The following ADGRL2 variants were observed in gnomAD, a reference collection of about 807,000 sequenced individuals.
ADGRL2 encodes the protein adhesion G protein-coupled receptor L2, also known as calcium-independent alpha-latrotoxin receptor 2.
Under a neutral mutation model 157.4 loss-of-function variants are expected in ADGRL2, and 44 were observed. The ratio of observed to expected loss-of-function variants is 0.28; its 90% confidence interval spans 0.22 to 0.36. The LOEUF (loss-of-function observed/expected upper bound fraction) is 0.36, where lower values mean the gene tolerates loss of function less well. Among genes scored for constraint, ADGRL2 ranks in the 10% least tolerant of loss-of-function variants. The probability of loss-of-function intolerance (pLI) is 1.00; values close to 1 mark genes in which losing one functional copy is unlikely to be tolerated. For synonymous variants in ADGRL2, 585 were observed against 624.7 expected (o/e 0.94, Z 0.95); for missense variants, 1,510 against 1,768.9 (o/e 0.85, Z 2.63).
At chr1:81,845,675 C>T (rs1386940269) in intron 2 of ADGRL2, among the ~76,000 whole-genome samples, 1 of 142,154 alleles carries the variant, frequency 7.0e-6, no homozygotes, top group Non-Finnish European at 1.6e-5. Flanking sequence ...ATTGCTAATA[C>T]TTTTCTTATT....
chr1:81,847,087 G>A (rs1282343660), intron 2 of ADGRL2, among the ~76,000 whole-genome samples: 2 of 151,578 alleles, frequency 1.3e-5, no homozygotes, highest in East Asian at 3.9e-4. Context: ...GGAACCCATT[G>A]CACTGGTAGG....
intron 3 of ADGRL2, chr1:81,625,594 T>C (rs1406057183): frequency 6.6e-6 from 1 of 152,164 alleles, no homozygotes; most frequent in Non-Finnish European, 1.5e-5. Flanking sequence ...GCCAAATTCA[T>C]GTCGTGAGAG....
chr1:81,747,412 T>C (rs1386403852), intron 1 of ADGRL2, among the ~76,000 whole-genome samples: 2 of 151,774 alleles, frequency 1.3e-5, no homozygotes, highest in Non-Finnish European at 2.9e-5. Context: ...GGGATTCTCC[T>C]GTCTCAGCCT....
intron 1 of ADGRL2, among the ~76,000 whole-genome samples, chr1:81,381,454 T>C (rs906848181): frequency 1.3e-5 from 2 of 152,124 alleles, no homozygotes; most frequent in Middle Eastern, 3.2e-3. Flanking sequence ...GGCACACCTG[T>C]AGTCCCAGTT....
At chr1:81,716,581 A>G (rs2084125235) in intron 1 of ADGRL2, among the ~76,000 whole-genome samples, 1 of 152,094 alleles carries the variant, frequency 6.6e-6, no homozygotes, top group African/African-American at 2.4e-5. Context: ...TTGGAGAAAA[A>G]TCTCTTAAAA....
chr1:81,461,934 G>GA (rs1553166998), intron 2 of ADGRL2, among the ~76,000 whole-genome samples: 3 of 143,828 alleles, frequency 2.1e-5, no homozygotes, highest in Non-Finnish European at 4.6e-5. Flanking sequence ...GAAGAAAGGG[G>GA]GGGGGGGGTG....
intron 2 of ADGRL2, among the ~76,000 whole-genome samples, chr1:81,493,118 G>A (rs1020881683): frequency 6.6e-6 from 1 of 152,174 alleles, no homozygotes; most frequent in Non-Finnish European, 1.5e-5. Flanking sequence ...ATGTGATATA[G>A]TTCTAAGAAG....
intron 3 of ADGRL2, among the ~76,000 whole-genome samples, chr1:81,648,829 A>T (rs2082359886): frequency 6.6e-6 from 1 of 152,194 alleles, no homozygotes; most frequent in African/African-American, 2.4e-5. Context: ...TTAAATATGA[A>T]TGAAAGAAGG....
At chr1:81,987,652 GTA>G (rs1041895415) in intron 22 of ADGRL2, among the ~76,000 whole-genome samples, 1 of 151,282 alleles carries the variant, frequency 6.6e-6, no homozygotes, top group African/African-American at 2.4e-5. Flanking sequence ...TTAAATAAAA[GTA>G]TATATATATT....
At chr1:81,614,193 T>C (rs775093475) in intron 3 of ADGRL2, among the ~76,000 whole-genome samples, 8 of 152,194 alleles carry the variant, frequency 5.3e-5, no homozygotes, top group Non-Finnish European at 7.3e-5. Context: ...TGCTTCCTCT[T>C]TGGGCAAGAC....
chr1:81,421,262 G>A (rs1464284066), intron 1 of ADGRL2, among the ~76,000 whole-genome samples: 1 of 152,036 alleles, frequency 6.6e-6, no homozygotes, highest in Non-Finnish European at 1.5e-5. Context: ...CAATTTGCTG[G>A]GTTTGTTTTA....
intron 3 of ADGRL2, among the ~76,000 whole-genome samples, chr1:81,595,778 T>A (rs1451091881): frequency 6.6e-6 from 1 of 152,236 alleles, no homozygotes; most frequent in Non-Finnish European, 1.5e-5. Context: ...TAGTTCTATA[T>A]CTGAGTGTCT....
rs566280750 is a variant in ADGRL2, at chr1:81,937,577, A to G, written c.397+740A>G. ...TTTAAAAATCTTAGCATTTTAGACA[A>G]CTTAAAAGTTTGAATATTACCTGAT... On this transcript the variant is annotated intron_variant, in intron 4 of 23. Transcript: ENST00000686636. Among the ~76,000 whole-genome samples, 12 of 151,954 alleles carry G rather than the reference A, an allele frequency of 7.9e-5. No individual in the cohort carries two copies. The South Asian group carries it at 2.5e-3, about 31-fold the overall frequency.
intron 1 of ADGRL2, among the ~76,000 whole-genome samples, chr1:81,745,547 AAC>A (rs1237951925): frequency 2.0e-5 from 3 of 152,308 alleles, no homozygotes; most frequent in African/African-American, 7.2e-5. Context: ...AATGTACGAA[AAC>A]AGAGCCCAGC....
intron 1 of ADGRL2, chr1:81,427,325 G>A (rs888981336): frequency 2.8e-6 from 2 of 726,552 alleles, no homozygotes; most frequent in African/African-American, 3.4e-5. Flanking sequence ...CAGTCGTCCT[G>A]GTTATAGTAG....
At chr1:81,642,158 G>A (rs1450700306) in intron 3 of ADGRL2, among the ~76,000 whole-genome samples, 1 of 148,430 alleles carries the variant, frequency 6.7e-6, no homozygotes, top group Non-Finnish European at 1.5e-5. Context: ...TGAGGCAGGA[G>A]AATGGCATGA....
intron 3 of ADGRL2, among the ~76,000 whole-genome samples, chr1:81,916,259 T>C (rs945286509): frequency 6.6e-6 from 1 of 152,170 alleles, no homozygotes; most frequent in Non-Finnish European, 1.5e-5. Context: ...AAGGACTTTG[T>C]TGTTCCTAAG....
intron 1 of ADGRL2, among the ~76,000 whole-genome samples, chr1:81,721,202 T>C (rs949571170): frequency 6.6e-6 from 1 of 152,062 alleles, no homozygotes; most frequent in African/African-American, 2.4e-5. Flanking sequence ...TGCTAAATGG[T>C]AACGGCATAC....
intron 3 of ADGRL2, among the ~76,000 whole-genome samples, chr1:81,593,344 T>C (rs907968853): frequency 1.3e-5 from 2 of 152,226 alleles, no homozygotes; most frequent in African/African-American, 4.8e-5. Context: ...TGCTCTCCCT[T>C]ACTGGAGCTG....
Sources: gnomAD v4.1 joint callset for allele counts (sites outside exome capture counted in the v4.1 genomes callset) on GRCh38, gnomAD v4.1.1 for gene constraint, MANE v1.5 for transcripts, NCBI Gene and HGNC (gene_info 2026-07-23, HGNC 2026-07-21) for gene names.